The following C5 variants were observed in gnomAD, a reference collection of about 807,000 sequenced individuals.
The protein encoded by C5 is complement C5.
C5 carries 140 observed loss-of-function variants against 218.8 expected under a neutral mutation model. That is an observed-to-expected ratio of 0.64 (90% CI 0.56 to 0.74). The LOEUF (loss-of-function observed/expected upper bound fraction) is 0.74. Ranked by LOEUF, C5 falls within the 30% of genes least tolerant of loss-of-function variation. C5 has a pLI of 0.00. For synonymous variants in C5, 614 were observed against 682.3 expected, an observed-to-expected ratio of 0.90 and a Z score of 1.56; for missense variants, 1,700 against 1,969.6, an observed-to-expected ratio of 0.86 and a Z score of 2.59.
intron 2 of C5, among the ~76,000 whole-genome samples, chr9:121,045,612 T>C (rs2047620136): frequency 6.6e-6 from 1 of 152,176 alleles, no homozygotes; most frequent in Non-Finnish European, 1.5e-5. Context: ...AGTATCAGAA[T>C]TTTTAGTAAA....
At chr9:121,008,991 T>C (rs1022601440) in intron 17 of C5, among the ~76,000 whole-genome samples, 8 of 152,134 alleles carry the variant, frequency 5.3e-5, no homozygotes, top group African/African-American at 1.4e-4. Context: ...ACTAATAGCA[T>C]TGGCAAAACA....
rs780410394 is a variant in C5 at position 121,015,245 on chromosome 9, T to G, written c.2013A>C (p.Glu671Asp). ...DSQENDEPCK[E>D]ILRPRRTLQK... is the part of the protein sequence containing the mutation. Reference sequence around the variant, plus strand: ...GCAGCGTTCTTCTTGGCCTGAGAATTTCTTTACAAGGTTCATCTGGTTTTT... The same window carrying G: ...GCAGCGTTCTTCTTGGCCTGAGAATGTCTTTACAAGGTTCATCTGGTTTTT... The change falls in exon 16 of 41, where the codon GAA (glutamate) becomes GAC (aspartate). Residue 671 changes from glutamate (E) to aspartate (D), a missense_variant. Coordinates refer to ENST00000223642, the MANE Select transcript of C5 (RefSeq NM_001735.3). The G allele has an allele frequency of 1.4e-5, 22 of 1,605,918 alleles. No individual in the cohort carries two copies. Among genetic ancestry groups the G allele is most frequent in the Non-Finnish European group, 1.9e-5 (22 of 1,174,026 alleles).
At chr9:120,978,921 A>C (rs1338324852) in intron 28 of C5, among the ~76,000 whole-genome samples, 1 of 150,998 alleles carries the variant, frequency 6.6e-6, no homozygotes, top group African/African-American at 2.4e-5. Flanking sequence ...AGACATGGGC[A>C]CTCCTTGCTC....
At chr9:120,968,727 CTAAG>C (rs1303379018) in intron 33 of C5, among the ~76,000 whole-genome samples, 3 of 152,056 alleles carry the variant, frequency 2.0e-5, no homozygotes, top group Non-Finnish European at 4.4e-5. Context: ...TGTGATTTTT[CTAAG>C]TAAGAGAGTA....
rs2131796108 is a variant in C5 at position 121,030,453 on chromosome 9, T to C, written c.702A>G (p.Glu234=). The C allele has an allele frequency of 1.3e-6, 2 of 1,549,128 alleles. No homozygotes were observed. Among genetic ancestry groups the C allele is most frequent in the South Asian group, 1.2e-5 (1 of 83,114 alleles). The change falls in exon 7 of 41, where the codon GAA becomes GAG. Residue 234 remains glutamate (E), a synonymous_variant. Transcript: ENST00000223642. ...LPHFSVSIEP[E]YNFIGYKNFK... is the part of the protein sequence containing the mutation. Reference sequence around the variant, plus strand: ...AGTTCTTGTAACCAATGAAATTATATTCTGGCTCGATTGAGACAGAAAAAT... The same window carrying C: ...AGTTCTTGTAACCAATGAAATTATACTCTGGCTCGATTGAGACAGAAAAAT...
chr9:121,002,234 ATATG>A (rs1341855896), intron 20 of C5, among the ~76,000 whole-genome samples: 2,922 of 58,824 alleles, frequency 0.05, 105 homozygotes, highest in East Asian at 0.12. Context: ...ATATATGTAT[ATATG>A]TATATGTATA....
intron 1 of C5, among the ~76,000 whole-genome samples, chr9:121,048,802 T>A (rs930911408): frequency 1.9e-4 from 29 of 152,232 alleles, no homozygotes; most frequent in Non-Finnish European, 8.8e-5. Flanking sequence ...TTGGCCTCTA[T>A]CTGGAATGCT....
chr9:120,961,013 T>C (rs1421386183), intron 37 of C5, among the ~76,000 whole-genome samples: 3 of 152,226 alleles, frequency 2.0e-5, no homozygotes, highest in Non-Finnish European at 4.4e-5. Context: ...GAGACCCTCA[T>C]GGAGCCAGCT....
chr9:120,961,528 G>C lies in C5; in HGVS notation c.4542C>G (p.Ile1514Met). 1 of 1,613,062 alleles carries C rather than the reference G, an allele frequency of 6.2e-7. No homozygotes were observed. Among genetic ancestry groups the C allele is most frequent in the Non-Finnish European group, 8.5e-7 (1 of 1,179,090 alleles). Reference sequence around the variant, plus strand: ...CTCCTTCACAGACTTTCTGAATTTTGATATTGGAAGTGCTATAAAACATGG... The same window carrying C: ...CTCCTTCACAGACTTTCTGAATTTTCATATTGGAAGTGCTATAAAACATGG... ...QCTMFYSTSN[I>M]KIQKVCEGAA... is the part of the protein sequence containing the mutation. Residue 1514 changes from isoleucine (I) to methionine (M), a missense_variant, in exon 37 of 41, where the codon ATC (isoleucine) becomes ATG (methionine). Ile to Met is a conservative substitution (Grantham distance 10). Coordinates refer to ENST00000223642, the MANE Select transcript of C5 (RefSeq NM_001735.3).
At chr9:121,070,415 A>G in the C5 span, among the ~76,000 whole-genome samples, 13 of 107,860 alleles carry the variant, frequency 1.2e-4, no homozygotes, top group East Asian at 5.8e-4. Context: ...ATATATATAT[A>G]TATATATATA....
At chr9:121,071,303 G>C in the C5 span, among the ~76,000 whole-genome samples, 2 of 151,866 alleles carry the variant, frequency 1.3e-5, no homozygotes, top group Non-Finnish European at 2.9e-5. Context: ...CTGGGCAACA[G>C]AGTGAGACTC....
In C5 at chr9:121,046,365, TG is replaced by T; in HGVS notation, c.83del (p.Pro28GlnfsTer13). On this transcript the variant is annotated frameshift_variant, in exon 2 of 41. Coordinates refer to ENST00000223642, the MANE Select transcript of C5 (RefSeq NM_001735.3). LOFTEE classifies it high-confidence loss of function. ...CAGATGCTCCAACACGGAATATTTT[TG>T]GTGCTGAAATGACATATCTGTTGAA... ...GQEQTYVISAPKIFRVGASEN... is the reference protein window; with the variant it reads ...GQEQTYVISAXKIFRVGASEN... 1 of 1,611,964 alleles carries T rather than the reference TG, an allele frequency of 6.2e-7. No homozygotes were observed. Among genetic ancestry groups the T allele is most frequent in the Non-Finnish European group, 8.5e-7 (1 of 1,178,314 alleles).
chr9:120,987,170 A>G (rs1416337596), intron 25 of C5, among the ~76,000 whole-genome samples: 1 of 152,216 alleles, frequency 6.6e-6, no homozygotes, highest in Non-Finnish European at 1.5e-5. Flanking sequence ...CCGGAAACCT[A>G]GAAATATGGA....
At chr9:121,000,437 G>C (rs930863704) in intron 20 of C5, among the ~76,000 whole-genome samples, 7 of 152,096 alleles carry the variant, frequency 4.6e-5, no homozygotes, top group Admixed American at 3.3e-4. Flanking sequence ...CTTTAAATCA[G>C]TGTGATACTG....
At chr9:120,976,561 AG>A (rs1167665626) in intron 29 of C5, 138 bp downstream of exon 29, 1 of 764,502 alleles carries the variant, frequency 1.3e-6, no homozygotes, top group African/African-American at 1.7e-5. Flanking sequence ...GATAACCTGT[AG>A]GGGTCCTTCA....
At chr9:120,966,012 TA>T (rs781467456) in intron 33 of C5, among the ~76,000 whole-genome samples, 7 of 152,190 alleles carry the variant, frequency 4.6e-5, no homozygotes, top group African/African-American at 1.2e-4. Flanking sequence ...TGTAAAAAGG[TA>T]AATACACGAA....
chr9:120,957,429 G>C, intron 38 of C5, 61 bp from the exon 39 acceptor site: 2 of 1,253,572 alleles, frequency 1.6e-6, no homozygotes, highest in Non-Finnish European at 2.3e-6. Context: ...GCTATGTCCA[G>C]TAGAAGCCAG....
Position 121,037,905 on chromosome 9 carries a change from T to C in C5, c.468A>G (p.Lys156=). 1 of 1,525,440 alleles carries C rather than the reference T, an allele frequency of 6.6e-7. No homozygotes were observed. Among genetic ancestry groups the C allele is most frequent in the Non-Finnish European group, 9.0e-7 (1 of 1,112,648 alleles). The allele number at this position is 1,525,440 out of a possible 1,614,324, so 94.5% of individuals were successfully genotyped here. The change falls in exon 4 of 41, where the codon AAA becomes AAG. Residue 156 remains lysine (K), a synonymous_variant. Transcript: ENST00000223642. ...YSLNDDLKPA[K]RETVLTFIDP... is the part of the protein sequence containing the mutation. ...CTATGAAAGTTAAGACAGTTTCTCTTTTGGCTGGCTTCAAGTCGTCATTCA... is the reference window on the plus strand; with the variant it reads ...CTATGAAAGTTAAGACAGTTTCTCTCTTGGCTGGCTTCAAGTCGTCATTCA...
chr9:120,987,283 C>A (rs1564140890), intron 25 of C5, among the ~76,000 whole-genome samples: 1 of 151,948 alleles, frequency 6.6e-6, no homozygotes, highest in Non-Finnish European at 1.5e-5. Context: ...AATAATGAGA[C>A]TGTACCAGGG....
Sources: gnomAD v4.1 joint callset for allele counts (sites outside exome capture counted in the v4.1 genomes callset) on GRCh38, gnomAD v4.1.1 for gene constraint, MANE v1.5 for transcripts, NCBI Gene and HGNC (gene_info 2026-07-23, HGNC 2026-07-21) for gene names.